The following LRRC53 variants were observed in gnomAD, a reference collection of about 807,000 sequenced individuals.
The protein encoded by LRRC53 is leucine rich repeat containing 53.
LRRC53 carries 25 observed loss-of-function variants against 13.6 expected under a neutral mutation model. That is an observed-to-expected ratio of 1.83 (90% CI 1.34 to 2.56). LRRC53 has a LOEUF of 2.56. Ranked by LOEUF, LRRC53 falls within the 30% of genes most tolerant of loss-of-function variation. The pLI, the probability that LRRC53 is intolerant of heterozygous loss-of-function variation, is 0.00. For synonymous variants in LRRC53, 204 were observed against 109.8 expected (o/e 1.86, Z -5.37); for missense variants, 527 against 275.8 (o/e 1.91, Z -6.45).
the LRRC53 span, among the ~76,000 whole-genome samples, chr1:74,523,326 A>G: frequency 6.6e-6 from 1 of 152,200 alleles, no homozygotes; most frequent in South Asian, 2.1e-4. Flanking sequence ...TGTATCATCA[A>G]ATTTTGAGCA....
intron 1 of LRRC53, among the ~76,000 whole-genome samples, chr1:74,487,264 C>A (rs929435118): frequency 6.6e-5 from 10 of 152,040 alleles, no homozygotes; most frequent in African/African-American, 2.2e-4. Context: ...AGGAGTTGGC[C>A]TGAGAATCAG....
At chr1:74,518,028 C>CGAT in the LRRC53 span, among the ~76,000 whole-genome samples, 1 of 152,092 alleles carries the variant, frequency 6.6e-6, no homozygotes, top group East Asian at 1.9e-4. Flanking sequence ...TTTGAGCAAG[C>CGAT]GATGACCTCG....
At chr1:74,502,862 T>C (rs1368291244) in intron 1 of LRRC53, among the ~76,000 whole-genome samples, 2 of 151,896 alleles carry the variant, frequency 1.3e-5, no homozygotes, top group African/African-American at 4.9e-5. Context: ...CTGTATCTTC[T>C]TCAAAACAGC....
chr1:74,502,064 A>T (rs1010013763), intron 1 of LRRC53, among the ~76,000 whole-genome samples: 1 of 152,110 alleles, frequency 6.6e-6, no homozygotes, highest in African/African-American at 2.4e-5. Context: ...CCTTGCTTGG[A>T]CCCATGATGT....
At chr1:74,499,000 A>T (rs1033968450) in intron 1 of LRRC53, among the ~76,000 whole-genome samples, 7 of 152,346 alleles carry the variant, frequency 4.6e-5, no homozygotes, top group African/African-American at 1.7e-4. Flanking sequence ...CCAATTATTG[A>T]CTCATTCATT....
intron 1 of LRRC53, among the ~76,000 whole-genome samples, chr1:74,500,083 AT>A (rs1669532001): frequency 6.6e-6 from 1 of 151,772 alleles, no homozygotes; most frequent in African/African-American, 2.4e-5. Context: ...TATTTTTAAT[AT>A]GTTTGTCTTA....
intron 3 of LRRC53, among the ~76,000 whole-genome samples, chr1:74,478,855 C>A (rs1668335725): frequency 6.6e-6 from 1 of 152,146 alleles, no homozygotes; most frequent in South Asian, 2.1e-4. Context: ...TCACTTATGT[C>A]TTTTATGGTA....
the LRRC53 span, among the ~76,000 whole-genome samples, chr1:74,536,348 C>T: frequency 6.6e-6 from 1 of 152,128 alleles, no homozygotes; most frequent in African/African-American, 2.4e-5. Flanking sequence ...ATACAGTTTA[C>T]ATATTGTGGA....
chr1:74,534,065 T>A, the LRRC53 span, among the ~76,000 whole-genome samples: 2 of 152,096 alleles, frequency 1.3e-5, no homozygotes, highest in South Asian at 4.2e-4. Flanking sequence ...CCCACAGGGG[T>A]TTTATAAAAA....
the LRRC53 span, among the ~76,000 whole-genome samples, chr1:74,535,539 T>C: frequency 6.6e-6 from 1 of 152,108 alleles, no homozygotes; most frequent in Non-Finnish European, 1.5e-5. Context: ...ACTTGTCACA[T>C]CTTGTGACCT....
chr1:74,473,420 T>G (rs192549678), intron 4 of LRRC53, among the ~76,000 whole-genome samples: 1 of 152,026 alleles, frequency 6.6e-6, no homozygotes, highest in Non-Finnish European at 1.5e-5. Flanking sequence ...TTTCATGAAA[T>G]TTTTTCATCC....
At chr1:74,499,163 T>C (rs1325813987) in intron 1 of LRRC53, among the ~76,000 whole-genome samples, 1 of 152,204 alleles carries the variant, frequency 6.6e-6, no homozygotes, top group East Asian at 1.9e-4. Context: ...ACTCAGGGTC[T>C]TTACTTTTCC....
At chr1:74,491,549 A>T (rs1018453909) in intron 1 of LRRC53, among the ~76,000 whole-genome samples, 1 of 152,212 alleles carries the variant, frequency 6.6e-6, no homozygotes. Flanking sequence ...CAAGTCCAAC[A>T]GGTGTTTTAA....
At chr1:74,497,629 C>T (rs1216094906) in intron 1 of LRRC53, among the ~76,000 whole-genome samples, 1 of 151,690 alleles carries the variant, frequency 6.6e-6, no homozygotes, top group Non-Finnish European at 1.5e-5. Flanking sequence ...TTCCTCCACA[C>T]ACACAATTGA....
intron 1 of LRRC53, among the ~76,000 whole-genome samples, chr1:74,483,913 T>C (rs1188304128): frequency 1.3e-5 from 2 of 152,220 alleles, no homozygotes; most frequent in African/African-American, 4.8e-5. Context: ...GTGAGTATGA[T>C]GTCAAGATTA....
the LRRC53 span, among the ~76,000 whole-genome samples, chr1:74,518,871 C>T: frequency 6.7e-3 from 83 of 12,404 alleles, no homozygotes; most frequent in East Asian, 0.031. Context: ...TATTTTTTTT[C>T]CCCTTTTTTT....
upstream of LRRC53, among the ~76,000 whole-genome samples, chr1:74,514,459 C>G (rs1646319388): frequency 1.3e-5 from 2 of 152,118 alleles, no homozygotes; most frequent in African/African-American, 4.8e-5. Context: ...TGCTGTTGTT[C>G]TCTACTATCT....
At chr1:74,488,585 G>T (rs1402431304) in intron 1 of LRRC53, among the ~76,000 whole-genome samples, 5 of 152,070 alleles carry the variant, frequency 3.3e-5, no homozygotes, top group Non-Finnish European at 5.9e-5. Context: ...CTTGCAACTG[G>T]AACAAAGCTT....
At chr1:74,534,499 A>G in the LRRC53 span, among the ~76,000 whole-genome samples, 1 of 152,122 alleles carries the variant, frequency 6.6e-6, no homozygotes, top group African/African-American at 2.4e-5. Context: ...TGGAAGCCAC[A>G]ACACTGTCTG....
Sources: gnomAD v4.1 joint callset for allele counts (sites outside exome capture counted in the v4.1 genomes callset) on GRCh38, gnomAD v4.1.1 for gene constraint, MANE v1.5 for transcripts, NCBI Gene and HGNC (gene_info 2026-07-23, HGNC 2026-07-21) for gene names.